Variants in EPHB1 observed in about 807,000 individuals in gnomAD.
The protein encoded by EPHB1 is EPH receptor B1, also known as ephrin type-B receptor 1.
A neutral mutation model predicts 94.4 loss-of-function variants in EPHB1; 30 were observed. That is an observed-to-expected ratio of 0.32 (90% CI 0.24 to 0.43). The LOEUF is 0.43. EPHB1 is among the 20% of genes least tolerant of loss of function. EPHB1 has a pLI of 1.00. For missense variants in EPHB1, 1,055 were observed against 1,308.3 expected (o/e 0.81, Z 2.99); for synonymous variants, 522 against 489.1 (o/e 1.07, Z -0.89).
intron 15 of EPHB1, among the ~76,000 whole-genome samples, chr3:135,256,358 G>T (rs1422562738): frequency 2.0e-5 from 3 of 152,166 alleles, no homozygotes; most frequent in African/African-American, 7.2e-5. Context: ...AGCTGGTACT[G>T]GTTGTTCCTT....
At chr3:134,837,870 G>A (rs181422462) in intron 1 of EPHB1, among the ~76,000 whole-genome samples, 1 of 152,284 alleles carries the variant, frequency 6.6e-6, no homozygotes, top group African/African-American at 2.4e-5. Context: ...TTTCTTTCAA[G>A]ATGCACTCTA....
At chr3:134,822,361 C>T (rs77308807) in intron 1 of EPHB1, among the ~76,000 whole-genome samples, 7 of 152,288 alleles carry the variant, frequency 4.6e-5, no homozygotes, top group East Asian at 1.9e-4. Flanking sequence ...TCTCAACTCC[C>T]GTGATCAACC....
At chr3:135,106,998 T>A (rs1432173334) in intron 4 of EPHB1, among the ~76,000 whole-genome samples, 1 of 152,174 alleles carries the variant, frequency 6.6e-6, no homozygotes, top group Non-Finnish European at 1.5e-5. Flanking sequence ...TCCTGTATAT[T>A]TGTAACCAGA....
chr3:135,209,691 G>T (rs895016962), intron 12 of EPHB1, among the ~76,000 whole-genome samples: 2 of 152,150 alleles, frequency 1.3e-5, no homozygotes, highest in Non-Finnish European at 2.9e-5. Context: ...ACAATTGTTG[G>T]GCTGGAATAG....
chr3:135,221,124 C>T (rs991110213), intron 12 of EPHB1, among the ~76,000 whole-genome samples: 1 of 152,142 alleles, frequency 6.6e-6, no homozygotes, highest in East Asian at 1.9e-4. Context: ...TATGAAATGG[C>T]TTTGTAGCTG....
chr3:134,848,481 A>T (rs1039849163), intron 1 of EPHB1, among the ~76,000 whole-genome samples: 30 of 152,270 alleles, frequency 2.0e-4, no homozygotes, highest in African/African-American at 6.8e-4. Context: ...AATCAAGACG[A>T]TAACTTTAAG....
chr3:135,257,859 A>T (rs571450229), intron 15 of EPHB1, among the ~76,000 whole-genome samples: 46 of 152,220 alleles, frequency 3.0e-4, no homozygotes, highest in African/African-American at 1.1e-3. Context: ...GCTAGCAATC[A>T]GGGAGACTCC....
chr3:134,944,343 C>G (rs528117184), intron 2 of EPHB1, among the ~76,000 whole-genome samples: 2 of 152,214 alleles, frequency 1.3e-5, no homozygotes, highest in South Asian at 4.2e-4. Context: ...ATGGGCACAT[C>G]AGATTTTGTT....
rs1229672753 is a variant in EPHB1 at position 134,795,326 on chromosome 3, G to T, written c.-306G>T. Reference sequence around the variant, plus strand: ...AGCAATGTGACACCAGGACGCACTCGCTCTCGCGCGCTCTCCCAGGCTCGT... The same window carrying T: ...AGCAATGTGACACCAGGACGCACTCTCTCTCGCGCGCTCTCCCAGGCTCGT... On this transcript the variant is annotated 5_prime_UTR_variant, in exon 1 of 16. Coordinates refer to ENST00000398015, the MANE Select transcript of EPHB1 (RefSeq NM_004441.5). 4.2e-6 allele frequency: 2 copies of T among 473,602 alleles called. No homozygotes were observed. The highest frequency in any genetic ancestry group is 7.4e-6 in the Non-Finnish European group (2 of 268,800). The allele number at this position is 473,602 out of a possible 1,614,324, so 29.3% of individuals were successfully genotyped here. A position where few individuals can be genotyped will look rare whatever the true frequency, so the allele number is the denominator to read the frequency against.
intron 3 of EPHB1, among the ~76,000 whole-genome samples, chr3:135,040,542 C>G (rs894737130): frequency 2.0e-5 from 3 of 152,186 alleles, no homozygotes; most frequent in African/African-American, 7.2e-5. Flanking sequence ...TGGGACTGAC[C>G]CTGGATTTGT....
At chr3:135,167,156 T>A (rs1215145576) in intron 9 of EPHB1, 150 bp downstream of exon 9, 1 of 830,714 alleles carries the variant, frequency 1.2e-6, no homozygotes, top group South Asian at 1.7e-5. Context: ...TTTCTGCAGG[T>A]CCCCAGGGGC....
At chr3:135,093,054 A>C (rs13066419) in intron 3 of EPHB1, among the ~76,000 whole-genome samples, 150,925 of 152,320 alleles carry the variant, frequency 0.99, 74,785 homozygotes, top group Middle Eastern at 1. Context: ...GTGTCAATGG[A>C]CTTCTTCTTA....
At chr3:134,859,877 T>C (rs2037209943) in intron 1 of EPHB1, among the ~76,000 whole-genome samples, 1 of 152,194 alleles carries the variant, frequency 6.6e-6, no homozygotes, top group South Asian at 2.1e-4. Context: ...TTTTATTCTC[T>C]TCATCATTTT....
At chr3:134,852,323 A>G (rs1415609716) in intron 1 of EPHB1, among the ~76,000 whole-genome samples, 1 of 152,170 alleles carries the variant, frequency 6.6e-6, no homozygotes, top group Non-Finnish European at 1.5e-5. Context: ...TCAAATCTGG[A>G]CGGGTTCCGA....
intron 1 of EPHB1, among the ~76,000 whole-genome samples, chr3:134,806,767 G>A (rs553153743): frequency 1.3e-5 from 2 of 152,258 alleles, no homozygotes; most frequent in East Asian, 3.9e-4. Context: ...CAGGCAGTAG[G>A]CACAAAACCA....
At chr3:135,193,916 C>A (rs1443504178) in intron 11 of EPHB1, among the ~76,000 whole-genome samples, 1 of 152,192 alleles carries the variant, frequency 6.6e-6, no homozygotes, top group Non-Finnish European at 1.5e-5. Flanking sequence ...CACCTCTGAT[C>A]CATGTGGAGT....
chr3:135,169,824 C>T (rs1265481205), intron 9 of EPHB1, among the ~76,000 whole-genome samples: 1 of 152,162 alleles, frequency 6.6e-6, no homozygotes, highest in East Asian at 1.9e-4. Flanking sequence ...GACTAAGTAG[C>T]AGAGGCAGAC....
chr3:134,871,391 T>C (rs1299985319), intron 1 of EPHB1, among the ~76,000 whole-genome samples: 1 of 151,962 alleles, frequency 6.6e-6, no homozygotes, highest in African/African-American at 2.4e-5. Context: ...GGGAGTGAGG[T>C]GTTTGGCAGG....
intron 12 of EPHB1, among the ~76,000 whole-genome samples, chr3:135,235,730 G>T (rs574058658): frequency 6.6e-6 from 1 of 152,312 alleles, no homozygotes; most frequent in South Asian, 2.1e-4. Flanking sequence ...GTGTTGTTGT[G>T]CATTTACCTA....
Sources: allele counts gnomAD v4.1 joint callset (sites outside exome capture counted in the v4.1 genomes callset), GRCh38; gene constraint gnomAD v4.1.1; transcripts MANE v1.5; gene names NCBI Gene and HGNC (gene_info 2026-07-23, HGNC 2026-07-21).